The following NCL variants were observed in gnomAD, a reference collection of about 807,000 sequenced individuals.
NCL encodes nucleolin multifunctional protein.
NCL carries 4 observed loss-of-function variants against 77.7 expected under a neutral mutation model. The observed-to-expected ratio is 0.05, with a 90% confidence interval of 0.03 to 0.12. NCL has a LOEUF of 0.12. NCL is among the 10% of genes least tolerant of loss of function. NCL has a pLI of 1.00. For synonymous variants in NCL, 344 were observed against 297.8 expected (o/e 1.16, Z -1.60); for missense variants, 763 against 860.9 (o/e 0.89, Z 1.42).
intron 6 of NCL, among the ~76,000 whole-genome samples, chr2:231,459,708 A>C (rs2046927634): frequency 6.6e-6 from 1 of 152,084 alleles, no homozygotes; most frequent in Non-Finnish European, 1.5e-5. Flanking sequence ...GGAGTTCAAA[A>C]CCAGCCTGAC....
rs574756492 is a variant in NCL at position 231,454,964 on chromosome 2, A to T, written c.*227T>A. The T allele has an allele frequency of 3.5e-5, 16 of 453,362 alleles. No individual in the cohort carries two copies. The highest frequency in any genetic ancestry group is 5.9e-5 in the Non-Finnish European group (15 of 255,526). 28.1% of individuals were successfully genotyped at this position (453,362 alleles called of 1,614,324 possible). A position where few individuals can be genotyped will look rare whatever the true frequency, so the allele number is the denominator to read the frequency against. On this transcript the variant is annotated 3_prime_UTR_variant, in exon 14 of 14. Coordinates refer to ENST00000322723, the MANE Select transcript of NCL (RefSeq NM_005381.3). ...AACAATATAAATTCAAAACTTACAG[A>T]TAAGGGTTAGCTCTATCACTCAACT...
At chr2:231,459,177 A>T in intron 6 of NCL, 52 bp from the exon 7 acceptor site, 1 of 1,490,498 alleles carries the variant, frequency 6.7e-7, no homozygotes, top group Non-Finnish European at 8.9e-7. Context: ...CACAAATCAA[A>T]ATCCACAATA....
intron 8 of NCL, 75 bp from the exon 9 acceptor site, chr2:231,457,875 A>C (rs2046906685): frequency 7.4e-7 from 1 of 1,348,878 alleles, no homozygotes; most frequent in Non-Finnish European, 1.0e-6. Flanking sequence ...GCAACACAGA[A>C]CTTGCTTCAG....
At chr2:231,459,250 T>G in intron 6 of NCL, 125 bp from the exon 7 acceptor site, 2 of 1,089,798 alleles carry the variant, frequency 1.8e-6, no homozygotes. Context: ...CCCCTAGTAT[T>G]AGCAAAACAA....
intron 1 of NCL, 23 bp downstream of exon 1, chr2:231,464,313 C>A: frequency 1.3e-6 from 2 of 1,583,948 alleles, no homozygotes; most frequent in Non-Finnish European, 1.7e-6. Context: ...TACACGTCTG[C>A]GCTCGCGCTC....
Position 231,454,438 on chromosome 2 carries a change from T to C in NCL, c.*753A>G, listed in dbSNP as rs2046862655. 6.6e-6 allele frequency: 1 copy of C among 152,366 alleles called. No individual in the cohort carries two copies. Among genetic ancestry groups the C allele is most frequent in the South Asian group, 2.1e-4 (1 of 4,824 alleles). 9.4% of individuals were successfully genotyped at this position (152,366 alleles called of 1,614,324 possible). A position where few individuals can be genotyped will look rare whatever the true frequency, so the allele number is the denominator to read the frequency against. On this transcript the variant is annotated 3_prime_UTR_variant, in exon 14 of 14. Coordinates refer to ENST00000322723, the MANE Select transcript of NCL (RefSeq NM_005381.3). ...TGGGATTACAGGAGTTAGCCACTGCTCTTCCCTGAAGCTCTTCCTTGTCCT... is the reference window on the plus strand; with the variant it reads ...TGGGATTACAGGAGTTAGCCACTGCCCTTCCCTGAAGCTCTTCCTTGTCCT...
chr2:231,460,714 C>A lies in NCL; in HGVS notation c.766G>T (p.Asp256Tyr), dbSNP rs771298295. 1.7e-5 allele frequency: 28 copies of A among 1,612,050 alleles called. 1 individual carries two copies. Among genetic ancestry groups the A allele is most frequent in the East Asian group, 1.6e-4 (7 of 44,878 alleles). ...DDDDDEDDED[D>Y]DDEDDEEEEE... Reference sequence around the variant, plus strand: ...TCCTCCTCATCATCTTCATCATCATCATCTTCATCATCTTCGTCGTCGTCG... The same window carrying A: ...TCCTCCTCATCATCTTCATCATCATAATCTTCATCATCTTCGTCGTCGTCG... Residue 256 changes from aspartate to tyrosine, a missense_variant, in exon 4 of 14, where the codon GAT becomes TAT. Asp to Tyr is a radical substitution (Grantham distance 160). This residue lies in a region of NCL where 590 missense variants were observed against 570.5 expected (regional missense o/e 1.03). Coordinates refer to ENST00000322723, the MANE Select transcript of NCL (RefSeq NM_005381.3).
rs774907639 is a variant in NCL, at chr2:231,460,437, T to C, written c.898+41A>G. On this transcript the variant is annotated intron_variant, in intron 5 of 13. Transcript: ENST00000322723. Reference sequence around the variant, plus strand: ...AAGTCCCTTTGTTATTCATCATTTGTGCTGTTTATCTCCCCCATATCCCCT... The same window carrying C: ...AAGTCCCTTTGTTATTCATCATTTGCGCTGTTTATCTCCCCCATATCCCCT... The C allele has an allele frequency of 6.9e-6, 11 of 1,594,282 alleles. No individual in the cohort carries two copies. The African/African-American group carries it at 1.3e-4, about 19-fold the overall frequency.
chr2:231,462,877 G>A, intron 2 of NCL: 1 of 298,140 alleles, frequency 3.4e-6, no homozygotes, highest in Non-Finnish European at 6.0e-6. Context: ...CCTCAGCTCT[G>A]AATACAATGC....
chr2:231,458,493 A>C (rs2046913310), intron 7 of NCL, 104 bp from the exon 8 acceptor site: 1 of 1,377,368 alleles, frequency 7.3e-7, no homozygotes, highest in Middle Eastern at 1.9e-4. Flanking sequence ...TCAACAAATA[A>C]TTTGAGATCC....
rs538284900 is a variant in NCL at position 231,460,400 on chromosome 2, G to C, written c.898+78C>G. The C allele has an allele frequency of 3.1e-5, 49 of 1,591,264 alleles. No homozygotes were observed. The Admixed American group carries it at 3.2e-4, about 10-fold the overall frequency. ...ATCAGCACACTACAATGTAACATCAGGTTTCAGTATTAAGTCCCTTTGTTA... is the reference window on the plus strand; with the variant it reads ...ATCAGCACACTACAATGTAACATCACGTTTCAGTATTAAGTCCCTTTGTTA... On this transcript the variant is annotated intron_variant, in intron 5 of 13. Transcript: ENST00000322723.
At chr2:231,458,236 A>G in intron 8 of NCL, 30 bp downstream of exon 8, 2 of 1,594,184 alleles carry the variant, frequency 1.3e-6, no homozygotes, top group Non-Finnish European at 1.7e-6. Context: ...ATGTTAATAA[A>G]ACCCTTACAT....
In NCL at chr2:231,456,072, C is replaced by T. The variant is rs1188601021; in HGVS notation, c.1770G>A (p.Glu590=). ...SEDTTEETLK[E]SFDGSVRARI... is the part of the protein sequence containing the mutation. ...TTGCCCGAACGGAGCCGTCAAATGA[C>T]TCCTTTAATGTCTCTTCAGTGGTAT... The change falls in exon 12 of 14, where the codon GAG becomes GAA. Residue 590 remains glutamate (E), a synonymous_variant. Transcript: ENST00000322723. 4 of 1,614,058 alleles carry T rather than the reference C, an allele frequency of 2.5e-6. No individual in the cohort carries two copies. In the Admixed American group the frequency reaches 6.7e-5, roughly 27 times the overall value.
intron 6 of NCL, among the ~76,000 whole-genome samples, chr2:231,459,822 G>A (rs375482947): frequency 4.4e-4 from 66 of 151,682 alleles, no homozygotes; most frequent in African/African-American, 1.4e-3. Context: ...CAGGAGAATC[G>A]CTTGAACCCG....
intron 2 of NCL, among the ~76,000 whole-genome samples, chr2:231,462,774 AAC>A (rs1039505591): frequency 5.3e-5 from 8 of 152,204 alleles, no homozygotes; most frequent in East Asian, 1.9e-4. Flanking sequence ...ATAACTATAA[AAC>A]ACAGTGAGTA....
intron 2 of NCL, 38 bp from the exon 3 acceptor site, chr2:231,462,055 C>A (rs778385721): frequency 1.2e-6 from 2 of 1,606,354 alleles, no homozygotes; most frequent in African/African-American, 1.3e-5. Flanking sequence ...TAAGTCCAGC[C>A]CCACACCCAA....
At chr2:231,462,320 T>G (rs1030802200) in intron 2 of NCL, among the ~76,000 whole-genome samples, 1 of 152,176 alleles carries the variant, frequency 6.6e-6, no homozygotes, top group Non-Finnish European at 1.5e-5. Flanking sequence ...AAAATGGTAA[T>G]AGTATCATCC....
intron 1 of NCL, chr2:231,463,692 A>G: frequency 5.0e-6 from 1 of 199,242 alleles, no homozygotes; most frequent in South Asian, 8.5e-5. Flanking sequence ...CACTTAAAAA[A>G]ATGACTACCT....
Position 231,455,704 on chromosome 2 carries a change from C to T in NCL, c.1833-80G>A, listed in dbSNP as rs530369670. 4 of 1,476,162 alleles carry T rather than the reference C, an allele frequency of 2.7e-6. No individual in the cohort carries two copies. The Admixed American group carries it at 6.8e-5, about 25-fold the overall frequency. The allele number at this position is 1,476,162 out of a possible 1,614,324, so 91.4% of individuals were successfully genotyped here. ...AAGTTAACTGTACATGCTGGGGAGCCATCCCACAGAAAGTAGCCTTGTTTA... is the reference window on the plus strand; with the variant it reads ...AAGTTAACTGTACATGCTGGGGAGCTATCCCACAGAAAGTAGCCTTGTTTA... On this transcript the variant is annotated intron_variant, in intron 12 of 13. Transcript: ENST00000322723.
Sources: gnomAD v4.1 joint callset for allele counts (sites outside exome capture counted in the v4.1 genomes callset) on GRCh38, gnomAD v4.1.1 for gene constraint, gnomAD v4.1.1 regional missense constraint, MANE v1.5 for transcripts, NCBI Gene and HGNC (gene_info 2026-07-23, HGNC 2026-07-21) for gene names.